The following MYBPC1 variants were observed in gnomAD, a reference collection of about 807,000 sequenced individuals.
MYBPC1 encodes the protein myosin binding protein C1.
In MYBPC1, 52 loss-of-function variants were observed where a neutral mutation model predicts 147.1. The observed-to-expected ratio is 0.35, with a 90% CI of 0.28 to 0.45. The LOEUF (loss-of-function observed/expected upper bound fraction) is 0.45. MYBPC1 is among the 20% of genes least tolerant of loss of function. The pLI is 1.00. For missense variants in MYBPC1, 1,228 were observed against 1,440.3 expected (o/e 0.85, Z 2.39); for synonymous variants, 477 against 475.9 (o/e 1.00, Z -0.03).
In MYBPC1 at chr12:101,670,361, C is replaced by G; in HGVS notation, c.2565C>G (p.Thr855=). 6.2e-7 allele frequency: 1 copy of G among 1,614,110 alleles called. No individual in the cohort carries two copies. The change falls in exon 24 of 32, where the codon ACC becomes ACG. Residue 855 remains threonine, a synonymous_variant. Transcript: ENST00000361466. ...GCATTCCAAGACACCTGAAGCAAAC[C>G]TATATCCGCAGAGTTGGAGAAGCTG... ...KIRIPRHLKQ[T]YIRRVGEAVN...
downstream of MYBPC1, among the ~76,000 whole-genome samples, chr12:101,687,530 T>C (rs973679523): frequency 6.6e-6 from 1 of 152,172 alleles, no homozygotes; most frequent in African/African-American, 2.4e-5. Context: ...ACATACGTGG[T>C]AAACTCCAAT....
Position 101,684,439 on chromosome 12 carries a change from G to T in MYBPC1, c.*19+15G>T. On this transcript the variant is annotated intron_variant, in intron 31 of 31. Coordinates refer to ENST00000361466, the MANE Select transcript of MYBPC1 (RefSeq NM_002465.4). ...TATCATCTAAGGTAAGCTTTCATAT[G>T]GTTTTGGCATATGAAGCTTATGACT... is the stretch of plus-strand genomic sequence containing the variant. 6.4e-7 allele frequency: 1 copy of T among 1,570,334 alleles called. No individual in the cohort carries two copies.
chr12:101,662,752 G>A (rs777552471), intron 21 of MYBPC1, among the ~76,000 whole-genome samples: 3 of 152,194 alleles, frequency 2.0e-5, no homozygotes, highest in Non-Finnish European at 4.4e-5. Flanking sequence ...ATAGGCCCTG[G>A]AATTCGTTAC....
At chr12:101,611,224 ATTC>A (rs1884178588) in intron 1 of MYBPC1, among the ~76,000 whole-genome samples, 4 of 152,242 alleles carry the variant, frequency 2.6e-5, no homozygotes, top group African/African-American at 9.6e-5. Context: ...TGTTTCTGCC[ATTC>A]TCTCTGATAG....
At chr12:101,693,795 G>T in the MYBPC1 span, among the ~76,000 whole-genome samples, 1 of 152,194 alleles carries the variant, frequency 6.6e-6, no homozygotes, top group Non-Finnish European at 1.5e-5. Flanking sequence ...GCAGGTGGCT[G>T]TCTGGCTAAA....
chr12:101,664,135 A>T (rs557802840), intron 22 of MYBPC1, among the ~76,000 whole-genome samples: 3 of 152,298 alleles, frequency 2.0e-5, no homozygotes, highest in Non-Finnish European at 2.9e-5. Context: ...GGAGTTGGGG[A>T]TATAAAACTG....
downstream of MYBPC1, among the ~76,000 whole-genome samples, chr12:101,686,685 A>G (rs1299990406): frequency 1.3e-5 from 2 of 152,000 alleles, no homozygotes; most frequent in Non-Finnish European, 2.9e-5. Context: ...AGCTAAATAT[A>G]TTGTGACTTG....
intron 3 of MYBPC1, among the ~76,000 whole-genome samples, chr12:101,621,493 T>A (rs1344445990): frequency 6.6e-6 from 1 of 152,202 alleles, no homozygotes; most frequent in African/African-American, 2.4e-5. Context: ...TCTCCCATAT[T>A]TTATTGCTGT....
At chr12:101,670,962 T>A (rs974670454) in intron 24 of MYBPC1, among the ~76,000 whole-genome samples, 2 of 147,678 alleles carry the variant, frequency 1.4e-5, no homozygotes, top group East Asian at 3.9e-4. Flanking sequence ...TTACTTACAA[T>A]AGTCAATTTT....
downstream of MYBPC1, among the ~76,000 whole-genome samples, chr12:101,688,121 A>G (rs1594110893): frequency 6.6e-6 from 1 of 152,196 alleles, no homozygotes; most frequent in African/African-American, 2.4e-5. Context: ...GGAACTAAAC[A>G]TTCATTAAAA....
At chr12:101,669,363 G>A (rs956038523) in intron 23 of MYBPC1, among the ~76,000 whole-genome samples, 9 of 152,184 alleles carry the variant, frequency 5.9e-5, no homozygotes, top group African/African-American at 2.2e-4. Context: ...TTGACTCCCT[G>A]CTCCTGATGG....
In MYBPC1 at chr12:101,685,472, A is replaced by G; in HGVS notation, c.*20-110A>G. ...GAGACTGAATGAATCTTTGTAACTA[A>G]TGGGAACATGATTAGTCACATTTCC... On this transcript the variant is annotated intron_variant, in intron 31 of 31. Transcript: ENST00000361466. 10 of 747,580 alleles carry G rather than the reference A, an allele frequency of 1.3e-5. No individual in the cohort carries two copies. The South Asian group carries it at 1.4e-4, about 10-fold the overall frequency. 46.3% of individuals were successfully genotyped at this position (747,580 alleles called of 1,614,324 possible).
rs1951317302 is a variant in MYBPC1 at position 101,685,776 on chromosome 12, A to G, written c.*214A>G. ...TTTCTGTTTTCCCACCAGGCCCCCA[A>G]GTGTGGTCTTTTTCTTTCCTCCTAA... On this transcript the variant is annotated 3_prime_UTR_variant, in exon 32 of 32. Transcript: ENST00000361466. 1.2e-6 allele frequency: 1 copy of G among 859,254 alleles called. No homozygotes were observed. Among genetic ancestry groups the G allele is most frequent in the African/African-American group, 1.8e-5 (1 of 55,834 alleles). 53.2% of individuals were successfully genotyped at this position (859,254 alleles called of 1,614,324 possible). A position where few individuals can be genotyped will look rare whatever the true frequency, so the allele number is the denominator to read the frequency against.
chr12:101,670,203 T>C (rs1236167134), intron 23 of MYBPC1, 118 bp from the exon 24 acceptor site: 12 of 829,534 alleles, frequency 1.4e-5, no homozygotes, highest in Middle Eastern at 4.5e-4. Flanking sequence ...CATCTCAGAG[T>C]TTATTGCAGA....
At chr12:101,628,509 C>T (rs1367047728) in intron 5 of MYBPC1, among the ~76,000 whole-genome samples, 1 of 152,164 alleles carries the variant, frequency 6.6e-6, no homozygotes, top group Non-Finnish European at 1.5e-5. Context: ...ATGATTGATA[C>T]ATGAAAACTA....
At chr12:101,644,991 A>G (rs1323951414) in intron 12 of MYBPC1, among the ~76,000 whole-genome samples, 195 bp downstream of exon 12, 1 of 152,108 alleles carries the variant, frequency 6.6e-6, no homozygotes, top group East Asian at 1.9e-4. Flanking sequence ...ACCTTTTTTT[A>G]TGTTTAATTC....
chr12:101,682,394 G>C (rs1951065832), intron 29 of MYBPC1, among the ~76,000 whole-genome samples: 1 of 152,114 alleles, frequency 6.6e-6, no homozygotes, highest in Non-Finnish European at 1.5e-5. Flanking sequence ...TTGATAAAAA[G>C]AATAATGTAT....
rs1340231833 is a variant in MYBPC1 at position 101,673,641 on chromosome 12, G to A, written c.2809+19G>A. ...ATCATTGGTAGGTTTAGATGAAGGA[G>A]CCAGAAAGTTCTGTCAAAGCAGTAC... On this transcript the variant is annotated intron_variant, in intron 25 of 31. Coordinates refer to ENST00000361466, the MANE Select transcript of MYBPC1 (RefSeq NM_002465.4). 3.7e-6 allele frequency: 6 copies of A among 1,613,892 alleles called. No homozygotes were observed. Among genetic ancestry groups the A allele is most frequent in the Non-Finnish European group, 5.1e-6 (6 of 1,179,816 alleles).
At chr12:101,656,779 A>G (rs1895620647) in intron 18 of MYBPC1, among the ~76,000 whole-genome samples, 1 of 152,198 alleles carries the variant, frequency 6.6e-6, no homozygotes. Flanking sequence ...TCTATCAGAA[A>G]TGGGCAGATT....
Sources: allele counts gnomAD v4.1 joint callset (sites outside exome capture counted in the v4.1 genomes callset), GRCh38; gene constraint gnomAD v4.1.1; transcripts MANE v1.5; gene names NCBI Gene and HGNC (gene_info 2026-07-23, HGNC 2026-07-21).